Variants in POM121 observed in about 807,000 individuals in gnomAD.
The protein encoded by POM121 is POM121 transmembrane nucleoporin, also known as nuclear envelope pore membrane protein POM 121.
In POM121, 32 loss-of-function variants were observed where a neutral mutation model predicts 81.3. The ratio of observed to expected loss-of-function variants is 0.39; its 90% CI spans 0.30 to 0.53. The LOEUF (loss-of-function observed/expected upper bound fraction) is 0.53. Ranked by LOEUF, POM121 falls within the 20% of genes least tolerant of loss-of-function variation. POM121 has a pLI of 0.66. For missense variants in POM121, 1,138 were observed against 1,614.6 expected, an observed-to-expected ratio of 0.70 and a Z score of 5.06; for synonymous variants, 514 against 694.2, an observed-to-expected ratio of 0.74 and a Z score of 4.08.
rs576361378 is a variant in POM121 at position 72,937,888 on chromosome 7, A to G, written c.1276-702A>G. ...GATGATAAATGCCATCGTTGTTGCAAAAGTCATAAACGTTACGACAGCATA... is the reference window on the plus strand; with the variant it reads ...GATGATAAATGCCATCGTTGTTGCAGAAGTCATAAACGTTACGACAGCATA... On this transcript the variant is annotated intron_variant, in intron 5 of 12. Coordinates refer to ENST00000434423, the MANE Select transcript of POM121 (RefSeq NM_001387691.1). Among the ~76,000 whole-genome samples, 5 of 152,350 alleles carry G rather than the reference A, an allele frequency of 3.3e-5. No individual in the cohort carries two copies. The South Asian group carries it at 8.3e-4, about 25-fold the overall frequency.
At chr7:72,924,944 A>T, upstream of POM121, 1 of 1,124,512 alleles carries the variant, frequency 8.9e-7, no homozygotes, top group Non-Finnish European at 1.2e-6. Flanking sequence ...AAACCTCAAG[A>T]GTCAGAAACA....
chr7:72,935,851 G>A (rs2530510), intron 5 of POM121, among the ~76,000 whole-genome samples: 4 of 152,194 alleles, frequency 2.6e-5, no homozygotes, highest in East Asian at 1.9e-4. Flanking sequence ...AATGTGATTG[G>A]CTGTGCTGGT....
upstream of POM121, among the ~76,000 whole-genome samples, chr7:72,922,871 G>A (rs1400769380): frequency 4.6e-5 from 7 of 151,950 alleles, no homozygotes; most frequent in Non-Finnish European, 8.8e-5. Flanking sequence ...GTACCCTGAC[G>A]GCTTTTATGT....
In POM121 at chr7:72,894,926, C is replaced by T. The variant is rs138401946; in HGVS notation, c.-216+3816C>T. On this transcript the variant is annotated intron_variant, in intron 3 of 15. Transcript: ENST00000395270. ...CATGGCAGCTTTGAACTCCTGGGCT[C>T]GAGCAACCCTCCCACCTCAGCTTCC... Among the ~76,000 whole-genome samples, 620 of 152,246 alleles carry T rather than the reference C, an allele frequency of 4.1e-3. 3 individuals carry two copies. Among genetic ancestry groups the T allele is most frequent in the African/African-American group, 0.013 (556 of 41,552 alleles).
chr7:72,922,955 T>C (rs1299847318), upstream of POM121, among the ~76,000 whole-genome samples: 3 of 152,088 alleles, frequency 2.0e-5, no homozygotes, highest in East Asian at 3.9e-4. Context: ...CTATGTTTCT[T>C]CTTCCCCTGT....
At chr7:72,912,813 C>G (rs1422529665) in intron 3 of POM121, among the ~76,000 whole-genome samples, 3 of 152,142 alleles carry the variant, frequency 2.0e-5, no homozygotes, top group Non-Finnish European at 2.9e-5. Context: ...CAAGTTGAGT[C>G]AGGGCATTTC....
intron 3 of POM121, among the ~76,000 whole-genome samples, chr7:72,892,377 A>G (rs1437034579): frequency 1.3e-5 from 2 of 152,194 alleles, no homozygotes; most frequent in Non-Finnish European, 2.9e-5. Flanking sequence ...TTCCAAAATC[A>G]TGAATTCTGT....
chr7:72,914,457 ACTT>A (rs1794103787), intron 4 of POM121, among the ~76,000 whole-genome samples: 1 of 148,458 alleles, frequency 6.7e-6, no homozygotes, highest in African/African-American at 2.5e-5. Flanking sequence ...AACAGACTTC[ACTT>A]CTTTATACTC....
intron 4 of POM121, among the ~76,000 whole-genome samples, chr7:72,915,925 C>G (rs1357923274): frequency 3.9e-5 from 6 of 152,246 alleles, no homozygotes; most frequent in African/African-American, 1.4e-4. Flanking sequence ...CCACCTTGGC[C>G]TCCCAAAGTG....
intron 3 of POM121, among the ~76,000 whole-genome samples, chr7:72,910,384 G>A (rs180878496): frequency 2.0e-5 from 3 of 152,280 alleles, no homozygotes; most frequent in Non-Finnish European, 4.4e-5. Flanking sequence ...TGTACACGAC[G>A]TTATATTAGG....
At chr7:72,889,724 C>T (rs1791113604) in intron 1 of POM121, among the ~76,000 whole-genome samples, 2 of 152,136 alleles carry the variant, frequency 1.3e-5, no homozygotes, top group African/African-American at 4.8e-5. Context: ...TACTATGTTG[C>T]CCAACCTGGT....
upstream of POM121, among the ~76,000 whole-genome samples, chr7:72,921,482 C>T (rs1481573783): frequency 1.3e-5 from 2 of 152,210 alleles, no homozygotes; most frequent in African/African-American, 4.8e-5. Flanking sequence ...CCCTACTGTG[C>T]TCAGACTCCA....
upstream of POM121, among the ~76,000 whole-genome samples, chr7:72,920,553 A>G (rs1273449212): frequency 6.6e-6 from 1 of 151,808 alleles, no homozygotes; most frequent in African/African-American, 2.4e-5. Flanking sequence ...ACGGGGTTTC[A>G]CCATGTTAGC....
chr7:72,948,408 G>A (rs782710949), downstream of POM121: 1 of 1,613,336 alleles, frequency 6.2e-7, no homozygotes, highest in Non-Finnish European at 8.5e-7. Context: ...GCTGCCTGCG[G>A]TGAGGGCCCA....
In POM121 at chr7:72,926,901, G is replaced by A. The variant is rs782654317; in HGVS notation, c.960G>A (p.Glu320=). The A allele has an allele frequency of 1.2e-6, 2 of 1,613,990 alleles. No individual in the cohort carries two copies. Among genetic ancestry groups the A allele is most frequent in the South Asian group, 2.2e-5 (2 of 91,076 alleles). ...TACTGAGTGCCCTCAAAGAGAAGGA[G>A]AAGAAAAGGACAGTGGAGGAAGAAG... ...ETVLSALKEK[E]KKRTVEEEDQ... Residue 320 remains glutamate, a synonymous_variant, in exon 3 of 13, where the codon GAG becomes GAA. Coordinates refer to ENST00000434423, the MANE Select transcript of POM121 (RefSeq NM_001387691.1).
At chr7:72,898,833 T>A (rs1429479306) in intron 3 of POM121, among the ~76,000 whole-genome samples, 1 of 148,766 alleles carries the variant, frequency 6.7e-6, no homozygotes, top group African/African-American at 2.5e-5. Context: ...GAGTCTTCAA[T>A]GTGGCAACAG....
At chr7:72,911,085 G>A (rs1554494197) in intron 3 of POM121, among the ~76,000 whole-genome samples, 1 of 152,242 alleles carries the variant, frequency 6.6e-6, no homozygotes, top group African/African-American at 2.4e-5. Flanking sequence ...CTCCTGGGTT[G>A]AAGCAGTTCT....
chr7:72,899,182 A>G (rs1792311830), intron 3 of POM121, among the ~76,000 whole-genome samples: 1 of 151,704 alleles, frequency 6.6e-6, no homozygotes. Flanking sequence ...ATGGGGTTTC[A>G]TCATGTTGGT....
At chr7:72,921,969 T>C (rs1264645511), upstream of POM121, among the ~76,000 whole-genome samples, 1 of 152,206 alleles carries the variant, frequency 6.6e-6, no homozygotes, top group Non-Finnish European at 1.5e-5. Flanking sequence ...TATTTTTTAC[T>C]AGATATTGCC....
Sources: allele counts gnomAD v4.1 joint callset (sites outside exome capture counted in the v4.1 genomes callset), GRCh38; gene constraint gnomAD v4.1.1; transcripts MANE v1.5; gene names NCBI Gene and HGNC (gene_info 2026-07-23, HGNC 2026-07-21).